APOB: variants seen among roughly 807,000 people sequenced by gnomAD.
APOB encodes apolipoprotein B-100.
Under a neutral mutation model 314.1 loss-of-function variants are expected in APOB, and 153 were observed. The ratio of observed to expected loss-of-function variants is 0.49; its 90% CI spans 0.43 to 0.56. APOB has a LOEUF of 0.56. Among genes scored for constraint, APOB ranks in the 20% least tolerant of loss-of-function variants. APOB has a pLI of 0.00. For missense variants in APOB, 5,430 were observed against 5,350.7 expected (o/e 1.01, Z -0.46); for synonymous variants, 2,087 against 2,036.4 (o/e 1.02, Z -0.67).
Position 21,043,908 on chromosome 2 carries a change from G to A in APOB, c.38C>T (p.Ala13Val), listed in dbSNP as rs933648948. ...CAGCAGCAGCAGCAGCGCAGGCAGC[G>A]CCAGCAGCGCCAGCAGCGCGGGCCT... is the stretch of plus-strand genomic sequence containing the variant. ...PPRPALLALL[A>V]LPALLLLLLA... is the part of the protein sequence containing the mutation. Residue 13 changes from alanine to valine, a missense_variant, in exon 1 of 29, where the codon GCG (alanine) becomes GTG (valine). By Grantham distance (64) the Ala-to-Val change is moderately conservative (BLOSUM62 0). Coordinates refer to ENST00000233242, the MANE Select transcript of APOB (RefSeq NM_000384.3). 8.8e-6 allele frequency: 6 copies of A among 680,806 alleles called. No homozygotes were observed. In the African/African-American group the frequency reaches 9.5e-5, roughly 11 times the overall value. The allele number at this position is 680,806 out of a possible 1,614,324, so 42.2% of individuals were successfully genotyped here.
At chr2:21,031,289 G>A (rs560910051) in intron 10 of APOB, among the ~76,000 whole-genome samples, 3 of 152,330 alleles carry the variant, frequency 2.0e-5, no homozygotes, top group South Asian at 4.1e-4. Context: ...ATAAAATCAT[G>A]TCATTTGCAG....
chr2:21,027,838 T>A lies in APOB; in HGVS notation c.2057A>T (p.Asp686Val). 6.2e-7 allele frequency: 1 copy of A among 1,612,812 alleles called. No individual in the cohort carries two copies. Among genetic ancestry groups the A allele is most frequent in the Non-Finnish European group, 8.5e-7 (1 of 1,178,802 alleles). The change falls in exon 14 of 29, where the codon GAC (aspartate) becomes GTC (valine). Residue 686 changes from aspartate to valine, a missense_variant. Physicochemically the swap from Asp to Val is radical, Grantham distance 152. This residue lies in a region of APOB where 2,085 missense variants were observed against 2,079.7 expected (regional missense o/e 1.00). Transcript: ENST00000233242. ...ACTCTTCACACTTACCTCGATGAGGTCAGCTGAAGCAAATCCAAAGGCAGT... is the reference window on the plus strand; with the variant it reads ...ACTCTTCACACTTACCTCGATGAGGACAGCTGAAGCAAATCCAAAGGCAGT... ...TLTAFGFASADLIEIGLEGKG... is the reference protein window; with the variant it reads ...TLTAFGFASAVLIEIGLEGKG...
In APOB at chr2:21,009,277, C is replaced by T. The variant is rs149358359; in HGVS notation, c.7591G>A (p.Glu2531Lys). The T allele has an allele frequency of 3.7e-6, 6 of 1,614,064 alleles. No individual in the cohort carries two copies. Among genetic ancestry groups the T allele is most frequent in the Non-Finnish European group, 5.1e-6 (6 of 1,179,958 alleles). ...ACCAGAGACAGGTATCGTTGAAGTTCCTGCTGAATGTCCATTTGATACATT... is the reference window on the plus strand; with the variant it reads ...ACCAGAGACAGGTATCGTTGAAGTTTCTGCTGAATGTCCATTTGATACATT... ...DRMYQMDIQQ[E>K]LQRYLSLVGQ... Residue 2531 changes from glutamate to lysine, a missense_variant, in exon 26 of 29, where the codon GAA becomes AAA. By Grantham distance (56) the Glu-to-Lys change is moderately conservative. Transcript: ENST00000233242.
At position 21,007,747 on chromosome 2, in the gene APOB, C is replaced by T. The variant is rs1663185740; in HGVS notation, c.9121G>A (p.Ala3041Thr). The change falls in exon 26 of 29, where the codon GCC (alanine) becomes ACC (threonine). Residue 3041 changes from alanine to threonine, a missense_variant. Ala to Thr is a moderately conservative substitution (Grantham distance 58). This residue lies in a region of APOB where 3,281 missense variants were observed against 3,171.0 expected (regional missense o/e 1.03). Coordinates refer to ENST00000233242, the MANE Select transcript of APOB (RefSeq NM_000384.3). ...GTLKNSLFFS[A>T]QPFEITASTN... ...GATGCCGTGATCTCAAATGGCTGGG[C>T]TGAAAAGAAAAGAGAATTTTTCAAA... The T allele has an allele frequency of 6.2e-7, 1 of 1,613,932 alleles. No homozygotes were observed. Among genetic ancestry groups the T allele is most frequent in the African/African-American group, 1.3e-5 (1 of 74,902 alleles).
Position 21,015,128 on chromosome 2 carries a change from T to C in APOB, c.3641A>G (p.His1214Arg), listed in dbSNP as rs1663431588. Residue 1214 changes from histidine to arginine, a missense_variant, in exon 23 of 29, where the codon CAC becomes CGC. This residue lies in a region of APOB where 2,085 missense variants were observed against 2,079.7 expected (regional missense o/e 1.00). Coordinates refer to ENST00000233242, the MANE Select transcript of APOB (RefSeq NM_000384.3). The part of the protein sequence containing the change: ...LHMYANRLLD[H>R]RVPQTDMTFR... Reference sequence around the variant, plus strand: ...AGTCATGTCTGTTTGAGGGACTCTGTGATCCAGGAGTCTATTAGCATACAT... The same window carrying C: ...AGTCATGTCTGTTTGAGGGACTCTGCGATCCAGGAGTCTATTAGCATACAT... The C allele has an allele frequency of 6.2e-7, 1 of 1,614,134 alleles. No individual in the cohort carries two copies. The highest frequency in any genetic ancestry group is 8.5e-7 in the Non-Finnish European group (1 of 1,180,054).
Position 21,006,343 on chromosome 2 carries a change from A to G in APOB, c.10525T>C (p.Tyr3509His). Residue 3509 changes from tyrosine to histidine, a missense_variant, in exon 26 of 29, where the codon TAT (tyrosine) becomes CAT (histidine). Coordinates refer to ENST00000233242, the MANE Select transcript of APOB (RefSeq NM_000384.3). ...GCCTCACTAGCAATAGTTCCTGAAT[A>G]TTCCCGAGAAAGAACCGAACCCTTG... The part of the protein sequence containing the change: ...DVKGSVLSRE[Y>H]SGTIASEANT... 1 of 1,614,110 alleles carries G rather than the reference A, an allele frequency of 6.2e-7. No individual in the cohort carries two copies. The highest frequency in any genetic ancestry group is 1.1e-5 in the South Asian group (1 of 91,086).
At chr2:21,014,742 T>G in intron 23 of APOB, 149 bp from the exon 24 acceptor site, 1 of 830,672 alleles carries the variant, frequency 1.2e-6, no homozygotes. Context: ...AAATTATGAA[T>G]CTTCGTTGCC....
intron 19 of APOB, among the ~76,000 whole-genome samples, chr2:21,019,385 G>GAA (rs1363402297): frequency 2.4e-4 from 36 of 152,132 alleles, no homozygotes; most frequent in Non-Finnish European, 1.5e-5. Context: ...GGAACTTGGG[G>GAA]GCTGAAGACA....
rs771873370 is a variant in APOB, at chr2:21,004,633, T to G, written c.11831A>C (p.Lys3944Thr). ...HKIEDGTLAS[K>T]TKGTFAHRDF... Reference sequence around the variant, plus strand: ...ACGGTGTGCAAATGTTCCTTTAGTCTTAGAGGCTAACGTACCATCTTCGAT... The same window carrying G: ...ACGGTGTGCAAATGTTCCTTTAGTCGTAGAGGCTAACGTACCATCTTCGAT... The change falls in exon 27 of 29, where the codon AAG becomes ACG. Residue 3944 changes from lysine to threonine, a missense_variant. By Grantham distance (78) the Lys-to-Thr change is moderately conservative. This residue lies in a region of APOB where 3,281 missense variants were observed against 3,171.0 expected (regional missense o/e 1.03). Coordinates refer to ENST00000233242, the MANE Select transcript of APOB (RefSeq NM_000384.3). The G allele has an allele frequency of 6.2e-7, 1 of 1,613,994 alleles. No homozygotes were observed. Among genetic ancestry groups the G allele is most frequent in the East Asian group, 2.2e-5 (1 of 44,886 alleles).
At chr2:21,028,823 A>G (rs957996336) in intron 12 of APOB, among the ~76,000 whole-genome samples, 1 of 152,216 alleles carries the variant, frequency 6.6e-6, no homozygotes, top group African/African-American at 2.4e-5. Flanking sequence ...CACTAAGTGA[A>G]AATCAAGTTG....
chr2:21,033,102 C>G (rs1043136506), intron 9 of APOB, among the ~76,000 whole-genome samples, 197 bp downstream of exon 9: 1 of 152,200 alleles, frequency 6.6e-6, no homozygotes, highest in African/African-American at 2.4e-5. Context: ...GCCTTGAACA[C>G]AGTATGCGCG....
intron 10 of APOB, 24 bp downstream of exon 10, chr2:21,032,330 G>C: frequency 6.2e-7 from 1 of 1,600,462 alleles, no homozygotes; most frequent in Non-Finnish European, 8.5e-7. Flanking sequence ...CTCCTAGGAG[G>C]AGAAATACAG....
In APOB at chr2:21,037,220, G is replaced by A. The variant is rs202005055; in HGVS notation, c.573C>T (p.Thr191=). Residue 191 remains threonine, a synonymous_variant, in exon 6 of 29, where the codon ACC becomes ACT. Coordinates refer to ENST00000233242, the MANE Select transcript of APOB (RefSeq NM_000384.3). ...CCACATTGCCCTTCCTCGTCTTGAC[G>A]GTAAAGTGAGTGGAGCAGTTTCCAT... is the stretch of plus-strand genomic sequence containing the variant. The part of the protein sequence containing the change: ...TVYGNCSTHF[T]VKTRKGNVAT... The A allele has an allele frequency of 3.2e-5, 52 of 1,614,128 alleles. No individual in the cohort carries two copies. The highest frequency in any genetic ancestry group is 1.7e-4 in the Middle Eastern group (1 of 6,056).
chr2:21,029,571 T>A, intron 12 of APOB, 68 bp downstream of exon 12: 1 of 1,551,368 alleles, frequency 6.4e-7, no homozygotes, highest in Non-Finnish European at 8.9e-7. Context: ...TAGAGTCTCA[T>A]TCCCCTAGTA....
intron 14 of APOB, 29 bp from the exon 15 acceptor site, chr2:21,026,993 G>A: frequency 6.2e-7 from 1 of 1,612,516 alleles, no homozygotes; most frequent in South Asian, 1.1e-5. Context: ...CAAGAAAATG[G>A]CATCAGGTTT....
Position 21,010,928 on chromosome 2 carries a change from G to T in APOB, c.5940C>A (p.Thr1980=). The T allele has an allele frequency of 6.2e-7, 1 of 1,614,084 alleles. No individual in the cohort carries two copies. Among genetic ancestry groups the T allele is most frequent in the South Asian group, 1.1e-5 (1 of 91,078 alleles). Residue 1980 remains threonine (T), a synonymous_variant, in exon 26 of 29, where the codon ACC becomes ACA. Transcript: ENST00000233242. ...ALLTPAEQTG[T]WKLKTQFNNN... is the part of the protein sequence containing the mutation. ...TGTTAAATTGGGTCTTGAGTTTCCA[G>T]GTGCCTGTCTGCTCAGCTGGAGTAA...
chr2:21,033,621 G>A, intron 8 of APOB, 103 bp from the exon 9 acceptor site: 1 of 999,326 alleles, frequency 1.0e-6, no homozygotes, highest in Non-Finnish European at 1.6e-6. Context: ...CAGGGGAAAA[G>A]GGAAAGAAAC....
intron 23 of APOB, among the ~76,000 whole-genome samples, 200 bp from the exon 24 acceptor site, chr2:21,014,793 A>T (rs568321014): frequency 6.6e-6 from 1 of 152,344 alleles, no homozygotes; most frequent in South Asian, 2.1e-4. Flanking sequence ...GGAATGTCTA[A>T]CATAGTCAGC....
rs755025293 is a variant in APOB, at chr2:21,005,529, G to A, written c.11339C>T (p.Ala3780Val). 3.7e-6 allele frequency: 6 copies of A among 1,614,060 alleles called. No homozygotes were observed. Among genetic ancestry groups the A allele is most frequent in the South Asian group, 2.2e-5 (2 of 91,084 alleles). ...CTCGGGGAGTGTTGGTAGGTTGAGG[G>A]CAAATGATGAAGTTCTCAGCTTCTT... ...IYKKLRTSSF[A>V]LNLPTLPEVK... is the part of the protein sequence containing the mutation. The change falls in exon 26 of 29, where the codon GCC (alanine) becomes GTC (valine). Residue 3780 changes from alanine to valine, a missense_variant. Coordinates refer to ENST00000233242, the MANE Select transcript of APOB (RefSeq NM_000384.3).
Sources: gnomAD v4.1 joint callset for allele counts (sites outside exome capture counted in the v4.1 genomes callset) on GRCh38, gnomAD v4.1.1 for gene constraint, gnomAD v4.1.1 regional missense constraint, MANE v1.5 for transcripts, NCBI Gene and HGNC (gene_info 2026-07-23, HGNC 2026-07-21) for gene names.